POR: variants seen among roughly 807,000 people sequenced by gnomAD.
The protein encoded by POR is NADPH--cytochrome P450 reductase.
In POR, 56 loss-of-function variants were observed where a neutral mutation model predicts 84.0. The ratio of observed to expected loss-of-function variants is 0.67; its 90% CI spans 0.54 to 0.83. The LOEUF (loss-of-function observed/expected upper bound fraction) is 0.83. Ranked by LOEUF, POR falls within the 40% of genes least tolerant of loss-of-function variation. POR has a pLI of 0.00. For synonymous variants in POR, 414 were observed against 400.5 expected (o/e 1.03, Z -0.40); for missense variants, 938 against 944.3 (o/e 0.99, Z 0.09).
rs1164561436 is a variant in POR at position 75,979,686 on chromosome 7, T to A, written c.366+107T>A. On this transcript the variant is annotated intron_variant, in intron 4 of 15. Transcript: ENST00000461988. ...GGGAGGCCGGCAGGGAGTGGGGTCCTGGGAAGACGTCCTCGGAAGTTGCCT... is the reference window on the plus strand; with the variant it reads ...GGGAGGCCGGCAGGGAGTGGGGTCCAGGGAAGACGTCCTCGGAAGTTGCCT... 6 of 1,469,784 alleles carry A rather than the reference T, an allele frequency of 4.1e-6. No individual in the cohort carries two copies. The African/African-American group carries it at 8.3e-5, about 20-fold the overall frequency. The allele number at this position is 1,469,784 out of a possible 1,614,324, so 91.0% of individuals were successfully genotyped here.
In POR at chr7:75,979,491, C is replaced by T. The variant is rs72552770; in HGVS notation, c.278C>T (p.Thr93Ile). The T allele has an allele frequency of 1.7e-5, 28 of 1,613,498 alleles. No individual in the cohort carries two copies. The South Asian group carries it at 2.4e-4, about 14-fold the overall frequency. The change falls in exon 4 of 16, where the codon ACT becomes ATT. Residue 93 changes from threonine to isoleucine, a missense_variant. By Grantham distance (89) the Thr-to-Ile change is moderately conservative. Coordinates refer to ENST00000461988, the MANE Select transcript of POR (RefSeq NM_000941.3). ...GTGTTCTACGGCTCCCAGACGGGGA[C>T]TGCAGAGGAGTTTGCCAACCGCCTG...
intron 2 of POR, among the ~76,000 whole-genome samples, chr7:75,963,273 C>T (rs1056149162): frequency 2.0e-5 from 3 of 152,178 alleles, no homozygotes; most frequent in African/African-American, 4.8e-5. Context: ...AGCCTGTGGC[C>T]ACGAGAGTAG....
intron 1 of POR, among the ~76,000 whole-genome samples, chr7:75,916,282 G>C (rs1408042691): frequency 6.6e-6 from 1 of 152,150 alleles, no homozygotes; most frequent in Non-Finnish European, 1.5e-5. Context: ...GGAACCCTCT[G>C]GGGGATCCAG....
In POR at chr7:75,983,867, C is replaced by T. The variant is rs782029570; in HGVS notation, c.1066+11C>T. On this transcript the variant is annotated intron_variant, in intron 10 of 15. Transcript: ENST00000461988. ...TGAACAACCTGGATGGTGAGTGCCA[C>T]AGTCAGGGCGCCCTGCCGGGCTCAG... 37 of 1,588,000 alleles carry T rather than the reference C, an allele frequency of 2.3e-5. No individual in the cohort carries two copies. The highest frequency in any genetic ancestry group is 3.1e-5 in the Non-Finnish European group (36 of 1,165,796).
chr7:75,930,667 C>G (rs1395475905), intron 1 of POR, among the ~76,000 whole-genome samples: 1 of 151,852 alleles, frequency 6.6e-6, no homozygotes, highest in Non-Finnish European at 1.5e-5. Flanking sequence ...GAATTACAAG[C>G]ATGTGCCACC....
chr7:75,932,530 T>C (rs999762596), intron 1 of POR, among the ~76,000 whole-genome samples: 9 of 152,304 alleles, frequency 5.9e-5, no homozygotes, highest in Non-Finnish European at 1.2e-4. Context: ...AGACTTATGT[T>C]GAAAATATAT....
chr7:75,961,225 C>CAAA (rs11412145), intron 2 of POR, among the ~76,000 whole-genome samples: 9 of 121,256 alleles, frequency 7.4e-5, no homozygotes, highest in African/African-American at 2.4e-4. Context: ...GAAGTGAGAC[C>CAAA]AAAAAAAAAA....
chr7:75,969,300 C>T (rs1788329178), intron 2 of POR, among the ~76,000 whole-genome samples: 1 of 152,194 alleles, frequency 6.6e-6, no homozygotes, highest in South Asian at 2.1e-4. Context: ...ATAGTGTGGG[C>T]ACGAGAGGGG....
intron 2 of POR, among the ~76,000 whole-genome samples, chr7:75,968,721 T>C (rs1404266480): frequency 6.6e-6 from 1 of 152,212 alleles, no homozygotes; most frequent in Non-Finnish European, 1.5e-5. Flanking sequence ...TTTTCCCCCC[T>C]GGACCACTCA....
intron 1 of POR, among the ~76,000 whole-genome samples, chr7:75,924,006 G>A (rs2116223477): frequency 6.6e-6 from 1 of 152,278 alleles, no homozygotes; most frequent in South Asian, 2.1e-4. Flanking sequence ...TGCCTTGTCT[G>A]AAATCACATT....
chr7:75,967,671 G>A (rs545021910), intron 2 of POR, among the ~76,000 whole-genome samples: 1 of 151,910 alleles, frequency 6.6e-6, no homozygotes, highest in South Asian at 2.1e-4. Context: ...GAAACGGGGA[G>A]GGCGTGGGGA....
chr7:75,938,524 A>G (rs559124452), intron 1 of POR, among the ~76,000 whole-genome samples: 2 of 152,258 alleles, frequency 1.3e-5, no homozygotes, highest in East Asian at 3.9e-4. Flanking sequence ...TTGGGAGGCC[A>G]AGATGGGAGG....
At chr7:75,934,981 C>T (rs1274086828) in intron 1 of POR, among the ~76,000 whole-genome samples, 1 of 152,116 alleles carries the variant, frequency 6.6e-6, no homozygotes, top group Non-Finnish European at 1.5e-5. Flanking sequence ...ACAGAGTTCT[C>T]ACTGGGGCAC....
In POR at chr7:75,973,927, C is replaced by T. The variant is rs1788556710; in HGVS notation, c.237+1466C>T. 2.0e-5 allele frequency among the ~76,000 whole-genome samples: 3 copies of T among 151,914 alleles called. No individual in the cohort carries two copies. The South Asian group carries it at 6.2e-4, about 32-fold the overall frequency. Reference sequence around the variant, plus strand: ...ACTGCTGACCTCGTGATCCATCTGCCTCGGTCTCCCAAAGTGCTGGGATTA... The same window carrying T: ...ACTGCTGACCTCGTGATCCATCTGCTTCGGTCTCCCAAAGTGCTGGGATTA... On this transcript the variant is annotated intron_variant, in intron 3 of 15. Transcript: ENST00000461988.
intron 1 of POR, among the ~76,000 whole-genome samples, chr7:75,935,466 C>G (rs1554550691): frequency 6.6e-6 from 1 of 151,922 alleles, no homozygotes; most frequent in Non-Finnish European, 1.5e-5. Context: ...AGGTTGGTCT[C>G]GAATCCTGAC....
In POR at chr7:75,983,580, G is replaced by C. The variant is rs1554558461; in HGVS notation, c.891G>C (p.Gln297His). Reference sequence around the variant, plus strand: ...TCACCACCAACCGGAAGCTGAACCAGGGAACCGAGCGCCACCTCATGCACC... The same window carrying C: ...TCACCACCAACCGGAAGCTGAACCACGGAACCGAGCGCCACCTCATGCACC... Residue 297 changes from glutamine to histidine, a missense_variant, in exon 9 of 16, where the codon CAG becomes CAC. By Grantham distance (24) the Gln-to-His change is conservative. Coordinates refer to ENST00000461988, the MANE Select transcript of POR (RefSeq NM_000941.3). 6.2e-7 allele frequency: 1 copy of C among 1,613,132 alleles called. No homozygotes were observed. Among genetic ancestry groups the C allele is most frequent in the South Asian group, 1.1e-5 (1 of 91,084 alleles).
At chr7:75,969,815 T>C (rs1357289697) in intron 2 of POR, among the ~76,000 whole-genome samples, 1 of 152,214 alleles carries the variant, frequency 6.6e-6, no homozygotes, top group Non-Finnish European at 1.5e-5. Flanking sequence ...TGCCGTGTGC[T>C]AGGCGTCGCG....
At chr7:75,924,515 C>G (rs1264563182) in intron 1 of POR, among the ~76,000 whole-genome samples, 1 of 152,126 alleles carries the variant, frequency 6.6e-6, no homozygotes, top group African/African-American at 2.4e-5. Context: ...AACACCATCT[C>G]TATTTAAAAA....
At chr7:75,974,733 G>T (rs782248948) in intron 3 of POR, among the ~76,000 whole-genome samples, 50 of 152,048 alleles carry the variant, frequency 3.3e-4, no homozygotes, top group Middle Eastern at 6.8e-3. Context: ...TGCCATGTTG[G>T]CCAGGCTGGT....
Sources: gnomAD v4.1 joint callset for allele counts (sites outside exome capture counted in the v4.1 genomes callset) on GRCh38, gnomAD v4.1.1 for gene constraint, MANE v1.5 for transcripts, NCBI Gene and HGNC (gene_info 2026-07-23, HGNC 2026-07-21) for gene names.